The following SERPINB10 variants were observed in gnomAD, a reference collection of about 807,000 sequenced individuals.
SERPINB10 encodes the protein serpin family B member 10.
A neutral mutation model predicts 39.1 loss-of-function variants in SERPINB10; 35 were observed. The ratio of observed to expected loss-of-function variants is 0.90; its 90% CI spans 0.68 to 1.19. The LOEUF (loss-of-function observed/expected upper bound fraction) is 1.19, where lower values mean the gene tolerates loss of function less well. Among genes scored for constraint, SERPINB10 ranks in the 50% most tolerant of loss-of-function variants. SERPINB10 has a pLI of 0.00. For missense variants in SERPINB10, 546 were observed against 460.5 expected, an observed-to-expected ratio of 1.19 and a Z score of -1.70; for synonymous variants, 190 against 158.1, an observed-to-expected ratio of 1.20 and a Z score of -1.52.
Position 63,935,091 on chromosome 18 carries a change from G to A in SERPINB10, c.1043G>A (p.Gly348Asp), listed in dbSNP as rs773141164. Residue 348 changes from glycine to aspartate, a missense_variant, in exon 8 of 8, where the codon GGT (glycine) becomes GAT (aspartate). Physicochemically the swap from Gly to Asp is moderately conservative, Grantham distance 94 (BLOSUM62 -1). Transcript: ENST00000238508. The stretch of plus-strand genomic sequence containing the variant: ...GCTTTTGTGGAAATAAATGAACAAG[G>A]TACTGAAGCTGCAGCTGGCAGTGGG... ...HKAFVEINEQ[G>D]TEAAAGSGSE... The A allele has an allele frequency of 6.2e-7, 1 of 1,614,108 alleles. No individual in the cohort carries two copies. Among genetic ancestry groups the A allele is most frequent in the Admixed American group, 1.7e-5 (1 of 60,028 alleles).
At chr18:63,909,939 G>A (rs1246608422) in intron 1 of SERPINB10, among the ~76,000 whole-genome samples, 1 of 151,754 alleles carries the variant, frequency 6.6e-6, no homozygotes, top group East Asian at 1.9e-4. Flanking sequence ...AGTCTTTTTT[G>A]TTTTCTATTT....
chr18:63,926,790 G>C (rs542592951), intron 5 of SERPINB10, among the ~76,000 whole-genome samples: 2 of 152,086 alleles, frequency 1.3e-5, no homozygotes, highest in Non-Finnish European at 2.9e-5. Context: ...ATTTAAATAT[G>C]ACCTGTCAAT....
intron 5 of SERPINB10, among the ~76,000 whole-genome samples, chr18:63,925,171 A>G (rs1004466401): frequency 4.6e-5 from 7 of 152,030 alleles, no homozygotes; most frequent in African/African-American, 1.4e-4. Flanking sequence ...GTGTTATTAG[A>G]TTGGAAGTGA....
At chr18:63,910,463 C>G (rs1008683647) in intron 1 of SERPINB10, among the ~76,000 whole-genome samples, 6 of 152,016 alleles carry the variant, frequency 3.9e-5, no homozygotes, top group Middle Eastern at 6.8e-3. Flanking sequence ...TTCTCTGCCT[C>G]CCCATTCTAG....
At chr18:63,928,282 G>A (rs2050194464) in intron 5 of SERPINB10, among the ~76,000 whole-genome samples, 1 of 152,018 alleles carries the variant, frequency 6.6e-6, no homozygotes, top group Non-Finnish European at 1.5e-5. Flanking sequence ...TCTCAATCCA[G>A]TTTTATCTAC....
At chr18:63,928,868 TTGTGA>T in intron 5 of SERPINB10, among the ~76,000 whole-genome samples, 1 of 150,628 alleles carries the variant, frequency 6.6e-6, no homozygotes, top group South Asian at 2.1e-4. Context: ...ATAAGAATGC[TTGTGA>T]TTTTTGTACA....
At position 63,915,733 on chromosome 18, in the gene SERPINB10, G is replaced by A. The variant is rs1158601331; in HGVS notation, c.168+55G>A. On this transcript the variant is annotated intron_variant, in intron 2 of 7. Coordinates refer to ENST00000238508, the MANE Select transcript of SERPINB10 (RefSeq NM_005024.3). ...TTCTTGTAAGCTAAGTGCTTTCATT[G>A]CCTTTTAACTTCAGTTTTCTCTTGA... is the stretch of plus-strand genomic sequence containing the variant. 2.1e-6 allele frequency: 3 copies of A among 1,436,218 alleles called. No homozygotes were observed. In the African/African-American group the frequency reaches 4.3e-5, roughly 21 times the overall value. The allele number at this position is 1,436,218 out of a possible 1,614,324, so 89.0% of individuals were successfully genotyped here. A position where few individuals can be genotyped will look rare whatever the true frequency, so the allele number is the denominator to read the frequency against.
intron 5 of SERPINB10, among the ~76,000 whole-genome samples, chr18:63,924,082 A>C (rs1210249122): frequency 6.6e-6 from 1 of 151,926 alleles, no homozygotes; most frequent in East Asian, 1.9e-4. Context: ...CTGTTAGTGC[A>C]TGTTGATGTT....
chr18:63,924,072 C>A (rs116868038), intron 5 of SERPINB10, among the ~76,000 whole-genome samples: 9 of 151,890 alleles, frequency 5.9e-5, no homozygotes, highest in Admixed American at 2.0e-4. Context: ...ATTCTGCTTC[C>A]TGTTAGTGCA....
At chr18:63,917,551 T>A (rs1253524255) in intron 3 of SERPINB10, 30 bp downstream of exon 3, 1 of 1,280,780 alleles carries the variant, frequency 7.8e-7, no homozygotes, top group Admixed American at 2.6e-5. Flanking sequence ...ATATATTTCA[T>A]AATTAAGGAA....
At chr18:63,923,020 C>A (rs564250791) in intron 5 of SERPINB10, among the ~76,000 whole-genome samples, 6 of 151,916 alleles carry the variant, frequency 3.9e-5, no homozygotes, top group Non-Finnish European at 8.8e-5. Flanking sequence ...GATTATAGTA[C>A]TATATGGCCA....
intron 5 of SERPINB10, among the ~76,000 whole-genome samples, chr18:63,926,846 A>G (rs1463768229): frequency 6.6e-6 from 1 of 152,112 alleles, no homozygotes; most frequent in Non-Finnish European, 1.5e-5. Context: ...AGTGGTGTAT[A>G]TAAGATGTTA....
intron 1 of SERPINB10, among the ~76,000 whole-genome samples, chr18:63,911,400 C>T (rs1359269559): frequency 2.0e-5 from 3 of 150,674 alleles, no homozygotes; most frequent in African/African-American, 7.3e-5. Flanking sequence ...TTCTAGGATT[C>T]TGATAGTCTG....
chr18:63,915,170 A>G (rs2050092232), intron 1 of SERPINB10, among the ~76,000 whole-genome samples: 1 of 152,130 alleles, frequency 6.6e-6, no homozygotes. Flanking sequence ...TGGAAAAACT[A>G]GATACAAACA....
At chr18:63,916,301 T>C (rs1445406736) in intron 2 of SERPINB10, among the ~76,000 whole-genome samples, 1 of 150,290 alleles carries the variant, frequency 6.7e-6, no homozygotes, top group African/African-American at 2.4e-5. Context: ...TATATATGAA[T>C]ACATATATAT....
Position 63,918,108 on chromosome 18 carries a change from T to C in SERPINB10, c.372+6T>C, listed in dbSNP as rs78508129. ...AAACGTATGCATTTCACAATGTAAGTGCAAATGTCTTATTTTAAGCTAATG... is the reference window on the plus strand; with the variant it reads ...AAACGTATGCATTTCACAATGTAAGCGCAAATGTCTTATTTTAAGCTAATG... On this transcript the variant is annotated splice_donor_region_variant and intron_variant, in intron 4 of 7. Transcript: ENST00000238508. 1.0e-3 allele frequency: 1,622 copies of C among 1,611,626 alleles called. 11 individuals carry two copies. The African/African-American group carries it at 0.02, about 20-fold the overall frequency.
At position 63,935,224 on chromosome 18, in the gene SERPINB10, A is replaced by G; in HGVS notation, c.1176A>G (p.Gly392=). 1 of 1,593,624 alleles carries G rather than the reference A, an allele frequency of 6.3e-7. No homozygotes were observed. Residue 392 remains glycine (G), a synonymous_variant, in exon 8 of 8, where the codon GGA becomes GGG. Coordinates refer to ENST00000238508, the MANE Select transcript of SERPINB10 (RefSeq NM_005024.3). ...AAACCAACACCATTCTTTTTTATGG[A>G]AGATTATGCTCCCCCTAAATCCTGC... ...HNKTNTILFY[G]RLCSP
chr18:63,924,526 A>G (rs1383134035), intron 5 of SERPINB10, among the ~76,000 whole-genome samples: 1 of 151,984 alleles, frequency 6.6e-6, no homozygotes, highest in Admixed American at 6.6e-5. Context: ...ACTAATTCAG[A>G]TATCTTGGAG....
In SERPINB10 at chr18:63,935,061, A is replaced by G. The variant is rs199906061; in HGVS notation, c.1013A>G (p.His338Arg). Reference protein sequence around the residue: ...ARNLFLSNVFHKAFVEINEQG... With the variant: ...ARNLFLSNVFRKAFVEINEQG... Reference sequence around the variant, plus strand: ...AACCTATTTTTGTCCAATGTTTTCCATAAGGCTTTTGTGGAAATAAATGAA... The same window carrying G: ...AACCTATTTTTGTCCAATGTTTTCCGTAAGGCTTTTGTGGAAATAAATGAA... The change falls in exon 8 of 8, where the codon CAT becomes CGT. Residue 338 changes from histidine (H) to arginine (R), a missense_variant. Coordinates refer to ENST00000238508, the MANE Select transcript of SERPINB10 (RefSeq NM_005024.3). 5.6e-6 allele frequency: 9 copies of G among 1,614,224 alleles called. No individual in the cohort carries two copies. The highest frequency in any genetic ancestry group is 7.6e-6 in the Non-Finnish European group (9 of 1,180,030).
Sources: allele counts gnomAD v4.1 joint callset (sites outside exome capture counted in the v4.1 genomes callset), GRCh38; gene constraint gnomAD v4.1.1; transcripts MANE v1.5; gene names NCBI Gene and HGNC (gene_info 2026-07-23, HGNC 2026-07-21).